Variants in DCX observed in about 807,000 individuals in gnomAD.
DCX encodes neuronal migration protein doublecortin.
DCX carries 4 observed loss-of-function variants against 20.9 expected under a neutral mutation model. That is an observed-to-expected ratio of 0.19 (90% CI 0.09 to 0.44). The LOEUF (loss-of-function observed/expected upper bound fraction) is 0.44, where lower values mean the gene tolerates loss of function less well. Ranked by LOEUF, DCX falls within the 20% of genes least tolerant of loss-of-function variation. The probability of loss-of-function intolerance (pLI) is 0.99; values close to 1 mark genes in which losing one functional copy is unlikely to be tolerated. For synonymous variants in DCX, 103 were observed against 111.4 expected (o/e 0.92, Z 0.47); for missense variants, 133 against 296.9 (o/e 0.45, Z 4.06).
At chrX:111,312,804 C>T in intron 5 of DCX, 68 bp from the exon 6 acceptor site, 1 of 1,021,427 alleles carries the variant, frequency 9.8e-7, no homozygotes, top group Non-Finnish European at 1.4e-6. Flanking sequence ...GTTATCCTTC[C>T]CCTCAGAAGA....
rs542291137 is a variant in DCX at position 111,309,988 on chromosome X, T to G, written c.1044+2651A>C. Among the ~76,000 whole-genome samples, 37 of 112,369 alleles carry G rather than the reference T, an allele frequency of 3.3e-4. No individual in the cohort carries two copies. In the South Asian group the frequency reaches 0.014, roughly 41 times the overall value. ...TTCTTAGGAACTACATACTGACATATTGAGGGATAAAGGGGCATAATGTTT... is the reference window on the plus strand; with the variant it reads ...TTCTTAGGAACTACATACTGACATAGTGAGGGATAAAGGGGCATAATGTTT... On this transcript the variant is annotated intron_variant, in intron 6 of 6. Transcript: ENST00000636035.
At chrX:111,366,459 C>T (rs1260525767) in intron 3 of DCX, among the ~76,000 whole-genome samples, 1 of 112,050 alleles carries the variant, frequency 8.9e-6, no homozygotes, top group East Asian at 2.8e-4. Context: ...AAGTCGAAGG[C>T]AACCAGAGCC....
intron 3 of DCX, among the ~76,000 whole-genome samples, chrX:111,398,651 CT>C (rs758269656): frequency 8.9e-6 from 1 of 112,246 alleles, no homozygotes; most frequent in South Asian, 3.7e-4. Context: ...GCTTGCCACT[CT>C]GCATGGCCTG....
At chrX:111,305,786 A>G (rs1461973019) in intron 6 of DCX, among the ~76,000 whole-genome samples, 1 of 110,951 alleles carries the variant, frequency 9.0e-6, no homozygotes. Flanking sequence ...GTATGTCAGT[A>G]GGAGAAAAAA....
At chrX:111,343,272 C>T (rs1048068438) in intron 3 of DCX, among the ~76,000 whole-genome samples, 4 of 109,689 alleles carry the variant, frequency 3.6e-5, no homozygotes, top group Non-Finnish European at 7.6e-5. Flanking sequence ...TACAAACTAT[C>T]ATCAGAGAAT....
chrX:111,383,853 C>T (rs1381793224), intron 3 of DCX, among the ~76,000 whole-genome samples: 1 of 111,056 alleles, frequency 9.0e-6, no homozygotes, highest in East Asian at 2.9e-4. Flanking sequence ...ATTGAACCTT[C>T]TAAAAGTTCC....
At chrX:111,399,034 A>G (rs769066471) in intron 3 of DCX, among the ~76,000 whole-genome samples, 6 of 110,724 alleles carry the variant, frequency 5.4e-5, no homozygotes, top group African/African-American at 2.0e-4. Context: ...GAATTGCTTG[A>G]ACTCAGGAGG....
At chrX:111,381,960 T>C (rs187040180) in intron 3 of DCX, among the ~76,000 whole-genome samples, 2 of 111,948 alleles carry the variant, frequency 1.8e-5, no homozygotes, top group Middle Eastern at 4.6e-3. Context: ...CACTGCACCA[T>C]CCCTGTACCT....
intron 3 of DCX, among the ~76,000 whole-genome samples, chrX:111,348,333 C>T (rs1328626732): frequency 8.9e-6 from 1 of 112,029 alleles, no homozygotes; most frequent in Non-Finnish European, 1.9e-5. Context: ...AGACTTTCTA[C>T]CCTATTTTAC....
chrX:111,312,951 G>A (rs979007255), intron 5 of DCX, among the ~76,000 whole-genome samples: 4 of 111,878 alleles, frequency 3.6e-5, no homozygotes, highest in African/African-American at 9.7e-5. Context: ...GTGCAAGGCC[G>A]TCATCCTCCC....
At chrX:111,407,605 C>T (rs1928299972) in intron 2 of DCX, among the ~76,000 whole-genome samples, 1 of 111,367 alleles carries the variant, frequency 9.0e-6, no homozygotes, top group African/African-American at 3.3e-5. Flanking sequence ...GCAACTGAGC[C>T]CTATTCACAC....
rs763942035 is a variant in DCX at position 111,377,048 on chromosome X, C to T, written c.705+23942G>A. Among the ~76,000 whole-genome samples, 5 of 111,688 alleles carry T rather than the reference C, an allele frequency of 4.5e-5. No individual in the cohort carries two copies. The South Asian group carries it at 1.1e-3, about 25-fold the overall frequency. The stretch of plus-strand genomic sequence containing the variant: ...CTTAACTTCTCAGCTCATGTTTTTG[C>T]TATGTCCTTCCTGCCTGAGGCACTA... On this transcript the variant is annotated intron_variant, in intron 3 of 6. Coordinates refer to ENST00000636035, the MANE Select transcript of DCX (RefSeq NM_001195553.2).
intron 5 of DCX, among the ~76,000 whole-genome samples, chrX:111,317,699 C>T (rs1372444983): frequency 1.8e-5 from 2 of 111,755 alleles, no homozygotes; most frequent in African/African-American, 6.5e-5. Flanking sequence ...CTATAAGGAA[C>T]TTAAGCAAAT....
intron 3 of DCX, among the ~76,000 whole-genome samples, chrX:111,397,451 G>A (rs1384146708): frequency 1.8e-5 from 2 of 111,629 alleles, no homozygotes; most frequent in Admixed American, 9.5e-5. Flanking sequence ...CAAGCAGTAC[G>A]AATACCCACT....
At chrX:111,362,988 A>G (rs1219244348) in intron 3 of DCX, among the ~76,000 whole-genome samples, 1 of 112,054 alleles carries the variant, frequency 8.9e-6, no homozygotes, top group Admixed American at 9.5e-5. Flanking sequence ...GGTAGAGGAG[A>G]CTGATATTGA....
intron 2 of DCX, among the ~76,000 whole-genome samples, chrX:111,403,058 T>C (rs1209884360): frequency 1.8e-5 from 2 of 111,083 alleles, no homozygotes; most frequent in African/African-American, 6.6e-5. Flanking sequence ...CAAGTAATTA[T>C]AGGCTGGGGT....
intron 2 of DCX, among the ~76,000 whole-genome samples, chrX:111,407,802 G>A (rs761508738): frequency 2.8e-4 from 25 of 90,265 alleles, no homozygotes; most frequent in East Asian, 3.7e-4. Flanking sequence ...ACATCAATAC[G>A]CACACACACA....
At chrX:111,318,184 C>CA (rs1196651828) in intron 5 of DCX, among the ~76,000 whole-genome samples, 1,314 of 31,249 alleles carry the variant, frequency 0.042, 44 homozygotes, top group African/African-American at 0.098. Context: ...GACTCGGTCT[C>CA]AAAAAAAAAA....
intron 5 of DCX, among the ~76,000 whole-genome samples, chrX:111,315,321 T>C (rs1569486296): frequency 1.6e-5 from 1 of 62,115 alleles, no homozygotes; most frequent in Non-Finnish European, 2.9e-5. Flanking sequence ...AAAAAACACA[T>C]GAAGAAATGC....
Sources: gnomAD v4.1 joint callset for allele counts (sites outside exome capture counted in the v4.1 genomes callset) on GRCh38, gnomAD v4.1.1 for gene constraint, MANE v1.5 for transcripts, NCBI Gene and HGNC (gene_info 2026-07-23, HGNC 2026-07-21) for gene names.